SPDYA: variants seen among roughly 807,000 people sequenced by gnomAD.
SPDYA encodes speedy/RINGO cell cycle regulator family member A.
In SPDYA, 11 loss-of-function variants were observed where a neutral mutation model predicts 36.7. The observed-to-expected ratio is 0.30, with a 90% CI of 0.19 to 0.50. The LOEUF (loss-of-function observed/expected upper bound fraction) is 0.50, where lower values mean the gene tolerates loss of function less well. SPDYA is among the 20% of genes least tolerant of loss of function. SPDYA has a pLI of 0.98. For synonymous variants in SPDYA, 115 were observed against 118.7 expected (o/e 0.97, Z 0.20); for missense variants, 287 against 370.9 (o/e 0.77, Z 1.86).
In SPDYA at chr2:28,816,165, CATA is replaced by C. The variant is rs769773887; in HGVS notation, c.156_158del (p.Asn54del). 6.6e-5 allele frequency: 106 copies of C among 1,613,864 alleles called. No homozygotes were observed. The highest frequency in any genetic ancestry group is 8.6e-5 in the Non-Finnish European group (102 of 1,179,962). On this transcript the variant is annotated inframe_deletion, in exon 3 of 8. Transcript: ENST00000334056. ...TTGGCAAGCATTTGAAAAAAATACA[CATA>C]ATAACAACAAATCTAAACGCCCCAA...
Position 28,822,298 on chromosome 2 carries a change from ATTAATTT to A in SPDYA, c.295-22_295-16del. On this transcript the variant is annotated intron_variant, in intron 4 of 7. Transcript: ENST00000334056. ...TTATTTATGAAAGCAAAACATTAATATTAATTTTTAACTTTTTTCCTTATAGTATCTT... is the reference window on the plus strand; with the variant it reads ...TTATTTATGAAAGCAAAACATTAATATTAACTTTTTTCCTTATAGTATCTT... 1 of 1,150,372 alleles carries A rather than the reference ATTAATTT, an allele frequency of 8.7e-7. No individual in the cohort carries two copies. Among genetic ancestry groups the A allele is most frequent in the Admixed American group, 2.5e-5 (1 of 39,730 alleles). 71.3% of individuals were successfully genotyped at this position (1,150,372 alleles called of 1,614,324 possible).
At position 28,849,853 on chromosome 2, in the gene SPDYA, T is replaced by G; in HGVS notation, c.854T>G (p.Val285Gly). ...TAAAATGCATATTTTATTTCAGTAG[T>G]CAATGACCATCAATCAAATAAAGGA... ...PSQAYTGSEV[V>G]NDHQSNKGKK... Residue 285 changes from valine (V) to glycine (G), a missense_variant, in exon 8 of 8, where the codon GTC (valine) becomes GGC (glycine). By Grantham distance (109) the Val-to-Gly change is moderately radical. Coordinates refer to ENST00000334056, the MANE Select transcript of SPDYA (RefSeq NM_182756.4). 1 of 1,532,822 alleles carries G rather than the reference T, an allele frequency of 6.5e-7. No individual in the cohort carries two copies. Among genetic ancestry groups the G allele is most frequent in the Non-Finnish European group, 8.9e-7 (1 of 1,125,044 alleles). The allele number at this position is 1,532,822 out of a possible 1,614,324, so 95.0% of individuals were successfully genotyped here.
chr2:28,848,951 G>A (rs1239597304), intron 7 of SPDYA, among the ~76,000 whole-genome samples: 1 of 152,004 alleles, frequency 6.6e-6, no homozygotes, highest in East Asian at 1.9e-4. Context: ...AAGCTGAGGT[G>A]GGAGGCTTGC....
chr2:28,850,147 T>G lies in SPDYA; in HGVS notation c.*206T>G. On this transcript the variant is annotated 3_prime_UTR_variant, in exon 8 of 8. Transcript: ENST00000334056. ...GGAAGCAGTGATTTTCAATATAAAG[T>G]TCTATTTTGATATTTTTCCATCTTC... 6.6e-7 allele frequency: 1 copy of G among 1,507,748 alleles called. No individual in the cohort carries two copies. Among genetic ancestry groups the G allele is most frequent in the Non-Finnish European group, 9.1e-7 (1 of 1,093,206 alleles). 93.4% of individuals were successfully genotyped at this position (1,507,748 alleles called of 1,614,324 possible).
At chr2:28,849,241 T>G (rs1668970170) in intron 7 of SPDYA, among the ~76,000 whole-genome samples, 1 of 152,224 alleles carries the variant, frequency 6.6e-6, no homozygotes, top group South Asian at 2.1e-4. Flanking sequence ...AACTGGTGCC[T>G]ATGAATAATA....
chr2:28,819,955 G>C (rs1668116718), intron 4 of SPDYA, among the ~76,000 whole-genome samples: 2 of 140,844 alleles, frequency 1.4e-5, no homozygotes, highest in African/African-American at 5.4e-5. Context: ...AGGCTGCAGT[G>C]AGCTGTGGTA....
At chr2:28,829,578 C>T (rs1398075203) in intron 6 of SPDYA, among the ~76,000 whole-genome samples, 1 of 151,990 alleles carries the variant, frequency 6.6e-6, no homozygotes, top group Non-Finnish European at 1.5e-5. Flanking sequence ...GAGGCTGAGG[C>T]GGGTGGATCT....
chr2:28,834,081 AACACAC>A (rs56865803), intron 6 of SPDYA, among the ~76,000 whole-genome samples: 161 of 146,976 alleles, frequency 1.1e-3, no homozygotes, highest in African/African-American at 3.5e-3. Context: ...AAATTGCTAA[AACACAC>A]ACACACACAC....
intron 5 of SPDYA, among the ~76,000 whole-genome samples, chr2:28,826,611 C>CTTTTTTTTTTTTT (rs777338299): frequency 6.0e-4 from 45 of 75,348 alleles, no homozygotes; most frequent in Non-Finnish European, 7.4e-4. Context: ...TTCTTTCTCT[C>CTTTTTTTTTTTTT]TTTTTTTTTT....
At chr2:28,848,834 C>T (rs1044801363) in intron 7 of SPDYA, among the ~76,000 whole-genome samples, 2 of 152,062 alleles carry the variant, frequency 1.3e-5, no homozygotes, top group South Asian at 2.1e-4. Flanking sequence ...GCTTGAGCTT[C>T]GGAGTTTGAG....
Position 28,811,381 on chromosome 2 carries a change from TC to T in SPDYA, c.-93+435del, listed in dbSNP as rs1667839210. On this transcript the variant is annotated intron_variant, in intron 1 of 7. Transcript: ENST00000334056. This position sits in a 1 kb window ranked among gnomAD's most constrained non-coding sequence, Gnocchi z 4.2. ...GTGGGAGGAATGGAGATTTGGGGGG[TC>T]TTTTTGATAAATCCTACCTCCTTAT... Among the ~76,000 whole-genome samples, 1 of 151,520 alleles carries T rather than the reference TC, an allele frequency of 6.6e-6. No homozygotes were observed. Among genetic ancestry groups the T allele is most frequent in the African/African-American group, 2.4e-5 (1 of 41,190 alleles).
chr2:28,811,819 G>C lies in SPDYA; in HGVS notation c.-93+872G>C, dbSNP rs1349763634. On this transcript the variant is annotated intron_variant, in intron 1 of 7. Coordinates refer to ENST00000334056, the MANE Select transcript of SPDYA (RefSeq NM_182756.4). The surrounding 1 kb of genome is among the most constrained non-coding windows in gnomAD (Gnocchi z 4.2). Reference sequence around the variant, plus strand: ...ACTTAAAAAAAAAGTATCCTGGCATGGTGGCGGGCGCCTGTAATCCCAGCT... The same window carrying C: ...ACTTAAAAAAAAAGTATCCTGGCATCGTGGCGGGCGCCTGTAATCCCAGCT... Among the ~76,000 whole-genome samples, 2 of 151,972 alleles carry C rather than the reference G, an allele frequency of 1.3e-5. No individual in the cohort carries two copies. Among genetic ancestry groups the C allele is most frequent in the East Asian group, 3.9e-4 (2 of 5,174 alleles).
At position 28,829,204 on chromosome 2, in the gene SPDYA, C is replaced by T; in HGVS notation, c.437C>T (p.Pro146Leu). 1 of 1,613,882 alleles carries T rather than the reference C, an allele frequency of 6.2e-7. No individual in the cohort carries two copies. The highest frequency in any genetic ancestry group is 8.5e-7 in the Non-Finnish European group (1 of 1,179,962). The change falls in exon 6 of 8, where the codon CCA becomes CTA. Residue 146 changes from proline (P) to leucine (L), a missense_variant. Transcript: ENST00000334056. ...GAAGAAACCAAGTACGAAATTTTTC[C>T]ATGGGCTTTAGGGAAAAACTGGAGA... ...DEEETKYEIF[P>L]WALGKNWRKL...
At position 28,850,325 on chromosome 2, in the gene SPDYA, C is replaced by T; in HGVS notation, c.*384C>T. 6.2e-7 allele frequency: 1 copy of T among 1,607,132 alleles called. No individual in the cohort carries two copies. Among genetic ancestry groups the T allele is most frequent in the Non-Finnish European group, 8.5e-7 (1 of 1,175,062 alleles). Reference sequence around the variant, plus strand: ...TTTAATATGTTCTGAAAACATTACTCACCTGTATGACCAGGTTGCCAGTGT... The same window carrying T: ...TTTAATATGTTCTGAAAACATTACTTACCTGTATGACCAGGTTGCCAGTGT... On this transcript the variant is annotated 3_prime_UTR_variant, in exon 8 of 8. Transcript: ENST00000334056.
chr2:28,833,304 A>G (rs1166489691), intron 6 of SPDYA, among the ~76,000 whole-genome samples: 1 of 151,732 alleles, frequency 6.6e-6, no homozygotes, highest in African/African-American at 2.4e-5. Flanking sequence ...TATCTCTTTG[A>G]TTTCATCTCA....
At chr2:28,820,724 C>G (rs940072228) in intron 4 of SPDYA, among the ~76,000 whole-genome samples, 3 of 152,016 alleles carry the variant, frequency 2.0e-5, no homozygotes, top group African/African-American at 7.2e-5. Flanking sequence ...GAAAATTAAG[C>G]GTGACTTTAC....
chr2:28,843,051 T>C (rs1043922221), intron 7 of SPDYA, among the ~76,000 whole-genome samples: 1 of 152,200 alleles, frequency 6.6e-6, no homozygotes, highest in Admixed American at 6.5e-5. Flanking sequence ...TTAGCATAGA[T>C]GGTGATCAGT....
intron 7 of SPDYA, chr2:28,842,115 C>A (rs10184527): frequency 0.9 from 137,644 of 152,194 alleles, 62,294 homozygotes; most frequent in Non-Finnish European, 0.93. Flanking sequence ...ATGTGAACCC[C>A]GGTCTCTGAC....
At chr2:28,816,953 C>G (rs1176146513) in intron 3 of SPDYA, among the ~76,000 whole-genome samples, 2 of 151,528 alleles carry the variant, frequency 1.3e-5, no homozygotes, top group Non-Finnish European at 2.9e-5. Context: ...AGTAATGAAT[C>G]AAGTCAAGTA....
Sources: allele counts gnomAD v4.1 joint callset (sites outside exome capture counted in the v4.1 genomes callset), GRCh38; gene constraint gnomAD v4.1.1; non-coding constraint Gnocchi (gnomAD v3.1); transcripts MANE v1.5; gene names NCBI Gene and HGNC (gene_info 2026-07-23, HGNC 2026-07-21).